Variants in VEGFC observed in about 807,000 individuals in gnomAD.
VEGFC encodes the protein FLT4 ligand DHM.
In VEGFC, 12 loss-of-function variants were observed where a neutral mutation model predicts 46.1. The observed-to-expected ratio is 0.26, with a 90% CI of 0.17 to 0.42. The LOEUF (loss-of-function observed/expected upper bound fraction) is 0.42. Ranked by LOEUF, VEGFC falls within the 10% of genes least tolerant of loss-of-function variation. VEGFC has a pLI of 1.00. For synonymous variants in VEGFC, 232 were observed against 195.5 expected (o/e 1.19, Z -1.56); for missense variants, 488 against 529.4 (o/e 0.92, Z 0.77).
At chr4:176,691,831 G>A (rs1178542233) in intron 4 of VEGFC, among the ~76,000 whole-genome samples, 1 of 152,208 alleles carries the variant, frequency 6.6e-6, no homozygotes, top group Non-Finnish European at 1.5e-5. Flanking sequence ...CCGGTCTACA[G>A]CTCCCAGCCT....
At chr4:176,690,626 ATTG>A (rs1309353518) in intron 4 of VEGFC, among the ~76,000 whole-genome samples, 1 of 47,292 alleles carries the variant, frequency 2.1e-5, no homozygotes, top group East Asian at 8.8e-3. Flanking sequence ...AAACAGTATC[ATTG>A]TTTTTAAAAT....
chr4:176,778,474 G>C (rs1051969910), intron 1 of VEGFC, among the ~76,000 whole-genome samples: 3 of 151,724 alleles, frequency 2.0e-5, no homozygotes, highest in African/African-American at 7.3e-5. Flanking sequence ...GATGCCCCCC[G>C]CCACCAACAA....
At chr4:176,690,267 T>C (rs1339173193) in intron 4 of VEGFC, among the ~76,000 whole-genome samples, 3 of 152,136 alleles carry the variant, frequency 2.0e-5, no homozygotes, top group African/African-American at 7.2e-5. Context: ...TATGTAATTA[T>C]CAGAGTTAAG....
At chr4:176,763,943 T>C (rs184572260) in intron 1 of VEGFC, among the ~76,000 whole-genome samples, 1 of 151,980 alleles carries the variant, frequency 6.6e-6, no homozygotes, top group East Asian at 1.9e-4. Context: ...CAAAGGCCTA[T>C]CCAAACAAAA....
chr4:176,748,968 G>A (rs1368951870), intron 1 of VEGFC, among the ~76,000 whole-genome samples: 2 of 151,858 alleles, frequency 1.3e-5, no homozygotes, highest in East Asian at 3.9e-4. Flanking sequence ...TGTAAATGAT[G>A]GGTAAACATA....
chr4:176,769,008 C>G (rs1735679385), intron 1 of VEGFC, among the ~76,000 whole-genome samples: 1 of 151,928 alleles, frequency 6.6e-6, no homozygotes, highest in Non-Finnish European at 1.5e-5. Context: ...GAGGCCAGAC[C>G]TTTGGGAGAT....
intron 1 of VEGFC, among the ~76,000 whole-genome samples, chr4:176,735,436 A>G (rs907437404): frequency 2.0e-5 from 3 of 151,908 alleles, no homozygotes; most frequent in Non-Finnish European, 2.9e-5. Context: ...CTTTGAACCG[A>G]TAAGTTTCAC....
chr4:176,791,942 T>A (rs947974585), intron 1 of VEGFC, among the ~76,000 whole-genome samples: 4 of 152,190 alleles, frequency 2.6e-5, no homozygotes, highest in Non-Finnish European at 4.4e-5. Context: ...TGGGCACCTC[T>A]CCGGGCCCTT....
chr4:176,728,346 C>A lies in VEGFC; in HGVS notation c.362-378G>T, dbSNP rs142098893. On this transcript the variant is annotated intron_variant, in intron 2 of 6. Transcript: ENST00000618562. ...TCATGTTCATTCTCTATAGTATGGG[C>A]CATTTTTGTGCTCTCAATGCAAATA... is the stretch of plus-strand genomic sequence containing the variant. Among the ~76,000 whole-genome samples the A allele has an allele frequency of 2.6e-4, 40 of 152,124 alleles. No homozygotes were observed. In the East Asian group the frequency reaches 4.8e-3, roughly 18 times the overall value.
chr4:176,792,203 C>T lies in VEGFC; in HGVS notation c.109G>A (p.Asp37Asn). Residue 37 changes from aspartate (D) to asparagine (N), a missense_variant, in exon 1 of 7, where the codon GAC (aspartate) becomes AAC (asparagine). Physicochemically the swap from Asp to Asn is conservative, Grantham distance 23. Transcript: ENST00000618562. This position sits in a 1 kb window ranked among gnomAD's most constrained non-coding sequence, Gnocchi z 6.3. ...GCGTCGGGCTCCGCGTCCGAGAGGT[C>T]GAGTCCGGACTCGAAGGCGGCGGCG... ...AAAAAFESGL[D>N]LSDAEPDAGE... 1 of 1,553,222 alleles carries T rather than the reference C, an allele frequency of 6.4e-7. No homozygotes were observed. Among genetic ancestry groups the T allele is most frequent in the Non-Finnish European group, 8.7e-7 (1 of 1,153,204 alleles).
chr4:176,717,200 C>T (rs563620936), intron 3 of VEGFC, among the ~76,000 whole-genome samples: 1 of 151,740 alleles, frequency 6.6e-6, no homozygotes, highest in Admixed American at 6.6e-5. Flanking sequence ...CTGACATATA[C>T]TTTAGGCATA....
intron 4 of VEGFC, chr4:176,689,545 T>C (rs1324508739): frequency 6.6e-6 from 1 of 152,160 alleles, no homozygotes; most frequent in African/African-American, 2.4e-5. Context: ...ATATGACAGT[T>C]TGTCGAAGAT....
chr4:176,758,854 C>G (rs1735479790), intron 1 of VEGFC, among the ~76,000 whole-genome samples: 1 of 152,110 alleles, frequency 6.6e-6, no homozygotes, highest in South Asian at 2.1e-4. Context: ...ATCACATGGC[C>G]ATTGTAAACA....
chr4:176,736,368 G>A (rs993365390), intron 1 of VEGFC, among the ~76,000 whole-genome samples: 2 of 151,604 alleles, frequency 1.3e-5, no homozygotes, highest in Non-Finnish European at 2.9e-5. Flanking sequence ...ATATATAATA[G>A]TTAAGAGACT....
intron 3 of VEGFC, among the ~76,000 whole-genome samples, chr4:176,715,384 T>G (rs1411960366): frequency 6.6e-6 from 1 of 152,160 alleles, no homozygotes; most frequent in Non-Finnish European, 1.5e-5. Flanking sequence ...TTTGATAATA[T>G]TAAAAGTAGA....
intron 3 of VEGFC, among the ~76,000 whole-genome samples, chr4:176,713,499 G>C (rs1448176241): frequency 1.3e-5 from 2 of 151,982 alleles, no homozygotes; most frequent in Non-Finnish European, 2.9e-5. Flanking sequence ...TTTTATATTT[G>C]TATAATTTAT....
chr4:176,781,714 G>A (rs1239366548), intron 1 of VEGFC, among the ~76,000 whole-genome samples: 2 of 152,194 alleles, frequency 1.3e-5, no homozygotes, highest in Non-Finnish European at 2.9e-5. Flanking sequence ...GGAGGGACCT[G>A]GAGGGGCTCA....
At chr4:176,694,692 C>T (rs1734275949) in intron 4 of VEGFC, among the ~76,000 whole-genome samples, 1 of 146,982 alleles carries the variant, frequency 6.8e-6, no homozygotes. Flanking sequence ...TTCAGCACCA[C>T]ACCACACCTA....
chr4:176,687,996 A>G, intron 4 of VEGFC, 69 bp from the exon 5 acceptor site: 1 of 767,868 alleles, frequency 1.3e-6, no homozygotes, highest in East Asian at 2.7e-5. Context: ...CTCTGCTCAC[A>G]TATGTATCAA....
Sources: allele counts gnomAD v4.1 joint callset (sites outside exome capture counted in the v4.1 genomes callset), GRCh38; gene constraint gnomAD v4.1.1; non-coding constraint Gnocchi (gnomAD v3.1); transcripts MANE v1.5; gene names NCBI Gene and HGNC (gene_info 2026-07-23, HGNC 2026-07-21).